Variants in SGCE observed in about 807,000 individuals in gnomAD.
The protein encoded by SGCE is epsilon-sarcoglycan.
A neutral mutation model predicts 57.8 loss-of-function variants in SGCE; 26 were observed. The observed-to-expected ratio is 0.45, with a 90% CI of 0.33 to 0.62. SGCE has a LOEUF of 0.62. Among genes scored for constraint, SGCE ranks in the 20% least tolerant of loss-of-function variants. SGCE has a pLI of 0.02. For synonymous variants in SGCE, 183 were observed against 189.5 expected, an observed-to-expected ratio of 0.97 and a Z score of 0.28; for missense variants, 468 against 548.6, an observed-to-expected ratio of 0.85 and a Z score of 1.47.
At chr7:94,609,546 C>T (rs1415433874) in intron 5 of SGCE, among the ~76,000 whole-genome samples, 2 of 152,126 alleles carry the variant, frequency 1.3e-5, no homozygotes, top group East Asian at 3.9e-4. Flanking sequence ...ACAACAACAA[C>T]AAAAAGCCAG....
chr7:94,612,219 CAT>C (rs948232849), intron 5 of SGCE, among the ~76,000 whole-genome samples: 7 of 152,036 alleles, frequency 4.6e-5, no homozygotes, highest in Non-Finnish European at 8.8e-5. Context: ...CTCAAGGTAA[CAT>C]AAATGGGCAT....
At chr7:94,614,925 A>G (rs1801644314) in intron 5 of SGCE, among the ~76,000 whole-genome samples, 1 of 152,182 alleles carries the variant, frequency 6.6e-6, no homozygotes, top group Non-Finnish European at 1.5e-5. Context: ...AGTTGCATTG[A>G]CTTCATTTGT....
chr7:94,640,911 G>A (rs548715810), intron 1 of SGCE: 1 of 152,316 alleles, frequency 6.6e-6, no homozygotes, highest in African/African-American at 2.4e-5. Flanking sequence ...GCCTGCCAAA[G>A]TGCTGGGATT....
intron 1 of SGCE, among the ~76,000 whole-genome samples, chr7:94,647,474 C>A (rs1807261301): frequency 2.0e-5 from 3 of 152,192 alleles, no homozygotes; most frequent in Admixed American, 6.5e-5. Context: ...ACTATTCTGA[C>A]CCCTCCAACC....
chr7:94,634,997 A>T (rs1217952219), intron 1 of SGCE, among the ~76,000 whole-genome samples: 1 of 152,234 alleles, frequency 6.6e-6, no homozygotes, highest in Non-Finnish European at 1.5e-5. Context: ...GAAGAGATCT[A>T]TGGATTAAAT....
intron 1 of SGCE, among the ~76,000 whole-genome samples, chr7:94,631,224 C>A (rs1669619994): frequency 6.6e-6 from 1 of 151,868 alleles, no homozygotes; most frequent in South Asian, 2.1e-4. Flanking sequence ...ATGTACTTAC[C>A]AGCAGGAATA....
intron 4 of SGCE, chr7:94,622,504 C>T (rs1327217057): frequency 6.6e-6 from 1 of 152,080 alleles, no homozygotes; most frequent in African/African-American, 2.4e-5. Flanking sequence ...TGGCAGGTGC[C>T]TATAATCCCA....
chr7:94,586,976 T>C (rs1485493162), intron 10 of SGCE: 1 of 984,302 alleles, frequency 1.0e-6, no homozygotes, highest in Non-Finnish European at 1.2e-6. Flanking sequence ...GTCTATAATA[T>C]GATCCAAATT....
At position 94,599,739 on chromosome 7, in the gene SGCE, A is replaced by C. The variant is rs1798926370; in HGVS notation, c.1038-16T>G. ...TCTCTTTTCCCTAGAAACAAAACAA[A>C]ATTTATGAATTAAATAATAGCATTG... is the stretch of plus-strand genomic sequence containing the variant. On this transcript the variant is annotated splice_polypyrimidine_tract_variant and intron_variant, in intron 7 of 10. Coordinates refer to ENST00000648936, the MANE Select transcript of SGCE (RefSeq NM_003919.3). 3.9e-6 allele frequency: 6 copies of C among 1,527,840 alleles called. No individual in the cohort carries two copies. Among genetic ancestry groups the C allele is most frequent in the Non-Finnish European group, 5.4e-6 (6 of 1,102,476 alleles). The allele number at this position is 1,527,840 out of a possible 1,614,324, so 94.6% of individuals were successfully genotyped here.
chr7:94,599,518 T>C (rs781758097), intron 8 of SGCE, 179 bp downstream of exon 8: 69 of 606,558 alleles, frequency 1.1e-4, no homozygotes, highest in Non-Finnish European at 1.7e-4. Context: ...CAAACCCTTT[T>C]TAGTTTTAGT....
chr7:94,648,840 C>T (rs112666260), intron 1 of SGCE, among the ~76,000 whole-genome samples: 1 of 152,170 alleles, frequency 6.6e-6, no homozygotes, highest in Non-Finnish European at 1.5e-5. Flanking sequence ...ATGCATACTG[C>T]TGAAGAAATA....
chr7:94,647,696 T>C (rs1807297648), intron 1 of SGCE, among the ~76,000 whole-genome samples: 1 of 152,240 alleles, frequency 6.6e-6, no homozygotes, highest in South Asian at 2.1e-4. Context: ...GCCACTGGAC[T>C]TCTTTTAGCA....
At position 94,598,999 on chromosome 7, in the gene SGCE, A is replaced by G. The variant is rs561447473; in HGVS notation, c.1065-36T>C. Reference sequence around the variant, plus strand: ...AAGAAATAAAACAACATATATTTAAAATCATATATTAGCCTGATGGGTCAT... The same window carrying G: ...AAGAAATAAAACAACATATATTTAAGATCATATATTAGCCTGATGGGTCAT... On this transcript the variant is annotated intron_variant, in intron 8 of 10. Coordinates refer to ENST00000648936, the MANE Select transcript of SGCE (RefSeq NM_003919.3). 6.0e-6 allele frequency: 9 copies of G among 1,500,464 alleles called. 1 individual carries two copies. In the South Asian group the frequency reaches 1.0e-4, roughly 17 times the overall value. The allele number at this position is 1,500,464 out of a possible 1,614,324, so 92.9% of individuals were successfully genotyped here.
intron 6 of SGCE, among the ~76,000 whole-genome samples, chr7:94,602,906 T>C (rs1174415030): frequency 6.6e-6 from 1 of 152,154 alleles, no homozygotes; most frequent in African/African-American, 2.4e-5. Context: ...TATTTTCAGA[T>C]TTATTATTGT....
At position 94,588,224 on chromosome 7, in the gene SGCE, G is replaced by T; in HGVS notation, c.1297+465C>A. On this transcript the variant is annotated intron_variant, in intron 10 of 10. Coordinates refer to ENST00000648936, the MANE Select transcript of SGCE (RefSeq NM_003919.3). ...TGTTGTCATTGGTCATGTTATAACA[G>T]CTTTTTAAAGCGGCTTTAAAACCAG... The T allele has an allele frequency of 2.8e-6, 3 of 1,052,658 alleles. 1 individual carries two copies. In the South Asian group the frequency reaches 1.1e-4, roughly 39 times the overall value. 65.2% of individuals were successfully genotyped at this position (1,052,658 alleles called of 1,614,324 possible).
intron 1 of SGCE, among the ~76,000 whole-genome samples, chr7:94,649,015 A>C (rs1160973637): frequency 2.0e-5 from 3 of 152,200 alleles, no homozygotes; most frequent in Non-Finnish European, 4.4e-5. Context: ...CCTAACTCCT[A>C]TACATTTTTT....
rs185362866 is a variant in SGCE, at chr7:94,611,703, G to A, written c.662+7055C>T. On this transcript the variant is annotated intron_variant, in intron 5 of 10. Coordinates refer to ENST00000648936, the MANE Select transcript of SGCE (RefSeq NM_003919.3). ...TTTTTTAAAATGAAATGAAATAAAA[G>A]TACAGCACAAAAGTTCAAAGCTATG... Among the ~76,000 whole-genome samples, 4 of 152,216 alleles carry A rather than the reference G, an allele frequency of 2.6e-5. No homozygotes were observed. In the East Asian group the frequency reaches 7.7e-4, roughly 29 times the overall value.
rs148633205 is a variant in SGCE, at chr7:94,609,615, A to C, written c.663-6163T>G. On this transcript the variant is annotated intron_variant, in intron 5 of 10. Transcript: ENST00000648936. ...ACTCGTGGTAAATATGCACATGAAA[A>C]GATGCTCCACTTTACATATCATCAT... 5.3e-4 allele frequency among the ~76,000 whole-genome samples: 81 copies of C among 152,346 alleles called. 1 individual carries two copies. In the East Asian group the frequency reaches 0.015, roughly 28 times the overall value.
In SGCE at chr7:94,603,270, A is replaced by G; in HGVS notation, c.825+20T>C. 7.5e-6 allele frequency: 12 copies of G among 1,603,064 alleles called. No individual in the cohort carries two copies. The highest frequency in any genetic ancestry group is 1.0e-5 in the Non-Finnish European group (12 of 1,171,592). On this transcript the variant is annotated intron_variant, in intron 6 of 10. Coordinates refer to ENST00000648936, the MANE Select transcript of SGCE (RefSeq NM_003919.3). ...CACATTATTTTTAACTAAACTTGCA[A>G]AAACAAAATAAAAACTTACCAATGA...
Sources: gnomAD v4.1 joint callset for allele counts (sites outside exome capture counted in the v4.1 genomes callset) on GRCh38, gnomAD v4.1.1 for gene constraint, MANE v1.5 for transcripts, NCBI Gene and HGNC (gene_info 2026-07-23, HGNC 2026-07-21) for gene names.